MAP3K4: variants seen among roughly 807,000 people sequenced by gnomAD.
The protein encoded by MAP3K4 is MAP three kinase 1.
MAP3K4 carries 67 observed loss-of-function variants against 185.6 expected under a neutral mutation model. That is an observed-to-expected ratio of 0.36 (90% CI 0.30 to 0.44). MAP3K4 has a LOEUF of 0.44. Among genes scored for constraint, MAP3K4 ranks in the 20% least tolerant of loss-of-function variants. The pLI, the probability that MAP3K4 is intolerant of heterozygous loss-of-function variation, is 1.00. For synonymous variants in MAP3K4, 702 were observed against 710.4 expected (o/e 0.99, Z 0.19); for missense variants, 1,551 against 1,995.1 (o/e 0.78, Z 4.24).
rs1782038459 is a variant in MAP3K4 at position 161,015,279 on chromosome 6, G to C, written c.153-18980G>C. 2.0e-5 allele frequency among the ~76,000 whole-genome samples: 3 copies of C among 151,816 alleles called. No homozygotes were observed. The South Asian group carries it at 6.2e-4, about 32-fold the overall frequency. ...CAATGAGAACACATGGACACATGGGGGGGAAACAGCACACACTGGGGCCTG... is the reference window on the plus strand; with the variant it reads ...CAATGAGAACACATGGACACATGGGCGGGAAACAGCACACACTGGGGCCTG... On this transcript the variant is annotated intron_variant, in intron 1 of 26. Transcript: ENST00000392142.
Position 160,996,808 on chromosome 6 carries a change from T to C in MAP3K4, c.152+4725T>C, listed in dbSNP as rs1781016954. Among the ~76,000 whole-genome samples the C allele has an allele frequency of 6.6e-6, 1 of 152,176 alleles. No individual in the cohort carries two copies. The highest frequency in any genetic ancestry group is 2.1e-4 in the South Asian group (1 of 4,816). On this transcript the variant is annotated intron_variant, in intron 1 of 26. Transcript: ENST00000392142. The surrounding 1 kb of genome is among the most constrained non-coding windows in gnomAD (Gnocchi z 4.5). ...GTTAGTCAGTGTATTCTCTTGCTTG[T>C]AGAAAGCCAAAGTATAATTAAGAGA... is the stretch of plus-strand genomic sequence containing the variant.
Position 161,091,895 on chromosome 6 carries a change from T to C in MAP3K4, c.3136-115T>C. On this transcript the variant is annotated intron_variant, in intron 12 of 26. Transcript: ENST00000392142. This position sits in a 1 kb window ranked among gnomAD's most constrained non-coding sequence, Gnocchi z 5.5. ...TTCATACTATTCAAAATATAGAAAT[T>C]TTAATTGGATTTCACTTTTTGTTTT... 1.1e-6 allele frequency: 1 copy of C among 870,222 alleles called. No homozygotes were observed. The highest frequency in any genetic ancestry group is 1.8e-6 in the Non-Finnish European group (1 of 562,946). The allele number at this position is 870,222 out of a possible 1,614,324, so 53.9% of individuals were successfully genotyped here.
chr6:161,007,996 G>A lies in MAP3K4; in HGVS notation c.152+15913G>A, dbSNP rs1781674634. On this transcript the variant is annotated intron_variant, in intron 1 of 26. Coordinates refer to ENST00000392142, the MANE Select transcript of MAP3K4 (RefSeq NM_005922.4). This position sits in a 1 kb window ranked among gnomAD's most constrained non-coding sequence, Gnocchi z 4.5. ...TCTTGCTTCTAATTAAACTTTTTATGTGATAAATATGGTAAGGCATAGCTA... is the reference window on the plus strand; with the variant it reads ...TCTTGCTTCTAATTAAACTTTTTATATGATAAATATGGTAAGGCATAGCTA... Among the ~76,000 whole-genome samples the A allele has an allele frequency of 6.6e-6, 1 of 152,174 alleles. No homozygotes were observed. The highest frequency in any genetic ancestry group is 2.4e-5 in the African/African-American group (1 of 41,436).
chr6:161,009,992 C>A (rs1402172284), intron 1 of MAP3K4, among the ~76,000 whole-genome samples: 1 of 151,996 alleles, frequency 6.6e-6, no homozygotes, highest in Non-Finnish European at 1.5e-5. Context: ...CAAACCTGCA[C>A]GTCCTGCACA....
Position 161,061,560 on chromosome 6 carries a change from T to C in MAP3K4, c.1708-9048T>C, listed in dbSNP as rs569830501. On this transcript the variant is annotated intron_variant, in intron 3 of 26. Transcript: ENST00000392142. This position sits in a 1 kb window ranked among gnomAD's most constrained non-coding sequence, Gnocchi z 4.2. ...CTGCAACCATCCTCACTGTGTAACT[T>C]TGGAACATTTTCATTGCCCCTAAAA... Among the ~76,000 whole-genome samples, 1 of 152,244 alleles carries C rather than the reference T, an allele frequency of 6.6e-6. No individual in the cohort carries two copies. The highest frequency in any genetic ancestry group is 1.5e-5 in the Non-Finnish European group (1 of 68,042).
At chr6:161,026,609 G>A (rs1194925610) in intron 1 of MAP3K4, among the ~76,000 whole-genome samples, 2 of 151,854 alleles carry the variant, frequency 1.3e-5, no homozygotes, top group Non-Finnish European at 2.9e-5. Flanking sequence ...CTTATTCTTT[G>A]TCTTCTGTTT....
At position 161,049,739 on chromosome 6, in the gene MAP3K4, C is replaced by T. The variant is rs1477031249; in HGVS notation, c.1467C>T (p.Cys489=). The change falls in exon 3 of 27, where the codon TGC becomes TGT. Residue 489 remains cysteine (C), a synonymous_variant. Coordinates refer to ENST00000392142, the MANE Select transcript of MAP3K4 (RefSeq NM_005922.4). This position sits in a 1 kb window ranked among gnomAD's most constrained non-coding sequence, Gnocchi z 8.4. ...DNSFDIQSRD[C]ISKKLERLES... ...GCTTCGACATCCAGTCGCGGGACTG[C>T]ATATCCAAGAAGCTTGAGAGGCTCG... 1.2e-6 allele frequency: 2 copies of T among 1,614,130 alleles called. No individual in the cohort carries two copies. Among genetic ancestry groups the T allele is most frequent in the East Asian group, 2.2e-5 (1 of 44,876 alleles).
rs1416119796 is a variant in MAP3K4, at chr6:161,070,604, A to G, written c.1708-4A>G. ...AATCTGTGCCTGTTGAATTTTTGTTATAGTTTTCTGAATTTCCAGATCCCA... is the reference window on the plus strand; with the variant it reads ...AATCTGTGCCTGTTGAATTTTTGTTGTAGTTTTCTGAATTTCCAGATCCCA... On this transcript the variant is annotated splice_region_variant and splice_polypyrimidine_tract_variant and intron_variant, in intron 3 of 26. Transcript: ENST00000392142. This position sits in a 1 kb window ranked among gnomAD's most constrained non-coding sequence, Gnocchi z 4.5. 11 of 1,611,696 alleles carry G rather than the reference A, an allele frequency of 6.8e-6. No homozygotes were observed. The African/African-American group carries it at 9.4e-5, about 14-fold the overall frequency.
chr6:161,065,496 G>A (rs1178059317), intron 3 of MAP3K4, among the ~76,000 whole-genome samples: 1 of 152,150 alleles, frequency 6.6e-6, no homozygotes, highest in Admixed American at 6.5e-5. Context: ...ACTTAAAATT[G>A]TGTTTTTAAT....
At position 161,074,416 on chromosome 6, in the gene MAP3K4, C is replaced by G. The variant is rs774548996; in HGVS notation, c.2097+804C>G. Among the ~76,000 whole-genome samples the G allele has an allele frequency of 2.6e-5, 4 of 152,198 alleles. No individual in the cohort carries two copies. The highest frequency in any genetic ancestry group is 2.0e-4 in the Admixed American group (3 of 15,284). On this transcript the variant is annotated intron_variant, in intron 5 of 26. Transcript: ENST00000392142. The surrounding 1 kb of genome is among the most constrained non-coding windows in gnomAD (Gnocchi z 5.0). ...CTCCACTTTATCTGCCTATTTAAGG[C>G]TTACTTTCAGGTTTTATTTTTCTCT...
In MAP3K4 at chr6:160,991,988, C is replaced by T. The variant is rs754417150; in HGVS notation, c.57C>T (p.Ala19=). The T allele has an allele frequency of 7.8e-6, 12 of 1,546,392 alleles. No individual in the cohort carries two copies. The highest frequency in any genetic ancestry group is 1.0e-5 in the Non-Finnish European group (12 of 1,152,594). ...CTCCCGCCTTTGCCGTCACGCCTGC[C>T]GCCGCCATGGAGGAGCCGCCGCCAC... ...VPPPAFAVTP[A]AAMEEPPPPP... is the part of the protein sequence containing the mutation. Residue 19 remains alanine (A), a synonymous_variant, in exon 1 of 27, where the codon GCC becomes GCT. Coordinates refer to ENST00000392142, the MANE Select transcript of MAP3K4 (RefSeq NM_005922.4). The surrounding 1 kb of genome is among the most constrained non-coding windows in gnomAD (Gnocchi z 5.7).
In MAP3K4 at chr6:161,084,712, G is replaced by A. The variant is rs1308215475; in HGVS notation, c.2372+95G>A. ...GAAGGAGCCTTGTTCAAACCAAATT[G>A]TGTTGGCCTGGAAGAATTTGGGCAG... On this transcript the variant is annotated intron_variant, in intron 7 of 26. Transcript: ENST00000392142. The surrounding 1 kb of genome is among the most constrained non-coding windows in gnomAD (Gnocchi z 4.6). 4 of 662,766 alleles carry A rather than the reference G, an allele frequency of 6.0e-6. No individual in the cohort carries two copies. Among genetic ancestry groups the A allele is most frequent in the Middle Eastern group, 2.5e-4 (1 of 3,994 alleles). 41.1% of individuals were successfully genotyped at this position (662,766 alleles called of 1,614,324 possible). A position where few individuals can be genotyped will look rare whatever the true frequency, so the allele number is the denominator to read the frequency against.
At position 161,063,314 on chromosome 6, in the gene MAP3K4, C is replaced by A. The variant is rs1784561433; in HGVS notation, c.1708-7294C>A. On this transcript the variant is annotated intron_variant, in intron 3 of 26. Coordinates refer to ENST00000392142, the MANE Select transcript of MAP3K4 (RefSeq NM_005922.4). This position sits in a 1 kb window ranked among gnomAD's most constrained non-coding sequence, Gnocchi z 5.4. ...CTACAATTCTCATCTGCTTAGTGGACATATCTTTCTGGCAAGCGCTCACTG... is the reference window on the plus strand; with the variant it reads ...CTACAATTCTCATCTGCTTAGTGGAAATATCTTTCTGGCAAGCGCTCACTG... Among the ~76,000 whole-genome samples, 1 of 152,004 alleles carries A rather than the reference C, an allele frequency of 6.6e-6. No individual in the cohort carries two copies.
intron 3 of MAP3K4, among the ~76,000 whole-genome samples, chr6:161,062,607 G>A (rs1784532681): frequency 6.6e-6 from 1 of 152,066 alleles, no homozygotes; most frequent in African/African-American, 2.4e-5. Context: ...ATTTATACTT[G>A]GAAGTTTGTT....
At position 161,091,492 on chromosome 6, in the gene MAP3K4, A is replaced by G. The variant is rs1017746284; in HGVS notation, c.3087A>G (p.Gln1029=). ...ATGAATCTGAATCTGTCACCTTGCA[A>G]CAGTACTACCGAGAAGCAATGATTC... ...EVDESESVTL[Q]QYYREAMIQG... The change falls in exon 12 of 27, where the codon CAA becomes CAG. Residue 1029 remains glutamine (Q), a synonymous_variant. Coordinates refer to ENST00000392142, the MANE Select transcript of MAP3K4 (RefSeq NM_005922.4). This position sits in a 1 kb window ranked among gnomAD's most constrained non-coding sequence, Gnocchi z 5.5. 7.4e-6 allele frequency: 12 copies of G among 1,614,022 alleles called. No individual in the cohort carries two copies. Among genetic ancestry groups the G allele is most frequent in the South Asian group, 2.2e-5 (2 of 91,074 alleles).
At chr6:161,026,285 C>T (rs1348717371) in intron 1 of MAP3K4, among the ~76,000 whole-genome samples, 3 of 134,884 alleles carry the variant, frequency 2.2e-5, no homozygotes, top group African/African-American at 8.1e-5. Context: ...TGCCCGCCAC[C>T]ACGCGCAGCT....
Position 161,073,369 on chromosome 6 carries a change from C to A in MAP3K4, c.1951-97C>A. ...TGTAGGTTTTTTAGAGGCAAGGTTCCCTCTGAGTTTTTTGAAGATTTAAGT... is the reference window on the plus strand; with the variant it reads ...TGTAGGTTTTTTAGAGGCAAGGTTCACTCTGAGTTTTTTGAAGATTTAAGT... On this transcript the variant is annotated intron_variant, in intron 4 of 26. Coordinates refer to ENST00000392142, the MANE Select transcript of MAP3K4 (RefSeq NM_005922.4). The surrounding 1 kb of genome is among the most constrained non-coding windows in gnomAD (Gnocchi z 4.2). 1 of 1,238,774 alleles carries A rather than the reference C, an allele frequency of 8.1e-7. No individual in the cohort carries two copies. The highest frequency in any genetic ancestry group is 2.6e-5 in the East Asian group (1 of 37,848). 76.7% of individuals were successfully genotyped at this position (1,238,774 alleles called of 1,614,324 possible). A position where few individuals can be genotyped will look rare whatever the true frequency, so the allele number is the denominator to read the frequency against.
chr6:161,083,638 T>A (rs1452352937), intron 6 of MAP3K4, among the ~76,000 whole-genome samples: 1 of 152,122 alleles, frequency 6.6e-6, no homozygotes, highest in African/African-American at 2.4e-5. Flanking sequence ...ACATGCTTGC[T>A]TGACTACATC....
chr6:161,077,479 G>T lies in MAP3K4; in HGVS notation c.2098-3402G>T, dbSNP rs1290415158. Among the ~76,000 whole-genome samples the T allele has an allele frequency of 6.6e-6, 1 of 152,112 alleles. No individual in the cohort carries two copies. The highest frequency in any genetic ancestry group is 2.4e-5 in the African/African-American group (1 of 41,390). On this transcript the variant is annotated intron_variant, in intron 5 of 26. Coordinates refer to ENST00000392142, the MANE Select transcript of MAP3K4 (RefSeq NM_005922.4). The surrounding 1 kb of genome is among the most constrained non-coding windows in gnomAD (Gnocchi z 4.3). ...GAAGCCCCTTTTTGGTAGCAGGTGC[G>T]GTCCGCTTGGGAAAGGAGCCTGGCA...
Sources: gnomAD v4.1 joint callset for allele counts (sites outside exome capture counted in the v4.1 genomes callset) on GRCh38, gnomAD v4.1.1 for gene constraint, Gnocchi (gnomAD v3.1) non-coding constraint, MANE v1.5 for transcripts, NCBI Gene and HGNC (gene_info 2026-07-23, HGNC 2026-07-21) for gene names.